Variants in TRIM37 observed in about 807,000 individuals in gnomAD.
TRIM37 encodes the protein tripartite motif containing 37.
TRIM37 carries 80 observed loss-of-function variants against 129.8 expected under a neutral mutation model. The ratio of observed to expected loss-of-function variants is 0.62; its 90% CI spans 0.51 to 0.74. The LOEUF (loss-of-function observed/expected upper bound fraction) is 0.74. Ranked by LOEUF, TRIM37 falls within the 30% of genes least tolerant of loss-of-function variation. The pLI, the probability that TRIM37 is intolerant of heterozygous loss-of-function variation, is 0.00. For missense variants in TRIM37, 1,054 were observed against 1,176.5 expected (o/e 0.90, Z 1.52); for synonymous variants, 389 against 387.1 (o/e 1.00, Z -0.06).
chr17:59,046,803 G>A (rs1366589158), intron 16 of TRIM37, among the ~76,000 whole-genome samples: 5 of 151,160 alleles, frequency 3.3e-5, no homozygotes, highest in Non-Finnish European at 7.4e-5. Context: ...GCCTCCCAGA[G>A]TGCTGGGATT....
intron 2 of TRIM37, among the ~76,000 whole-genome samples, chr17:59,100,361 G>A (rs73319242): frequency 0.011 from 1,602 of 152,136 alleles, 34 homozygotes; most frequent in African/African-American, 0.036. Context: ...CCATCAACAG[G>A]TGAATGCATA....
Position 59,047,806 on chromosome 17 carries a change from T to A in TRIM37, c.1544A>T (p.Asp515Val). ...QNEDYHHELS[D>V]GDLDLDLVYE... ...AACAAGATCCAGATCCAGATCTCCATCTGAAAGCTCGTGCTAGATCAATGC... is the reference window on the plus strand; with the variant it reads ...AACAAGATCCAGATCCAGATCTCCAACTGAAAGCTCGTGCTAGATCAATGC... The change falls in exon 16 of 24, where the codon GAT (aspartate) becomes GTT (valine). Residue 515 changes from aspartate to valine, a missense_variant. Around this residue, in one of 3 missense-constraint regions of TRIM37, gnomAD observed 752 missense variants for 870.8 expected, o/e 0.86. Transcript: ENST00000262294. The A allele has an allele frequency of 6.2e-7, 1 of 1,614,096 alleles. No homozygotes were observed. Among genetic ancestry groups the A allele is most frequent in the East Asian group, 2.2e-5 (1 of 44,890 alleles).
intron 11 of TRIM37, 85 bp downstream of exon 11, chr17:59,062,482 G>T: frequency 9.2e-7 from 1 of 1,084,936 alleles, no homozygotes; most frequent in Non-Finnish European, 1.4e-6. Flanking sequence ...AGAGTTAACA[G>T]TTCTCAGTAA....
rs1307526457 is a variant in TRIM37 at position 59,032,030 on chromosome 17, G to C, written c.1814C>G (p.Ser605Cys). The C allele has an allele frequency of 6.2e-7, 1 of 1,614,148 alleles. No homozygotes were observed. The highest frequency in any genetic ancestry group is 8.5e-7 in the Non-Finnish European group (1 of 1,180,046). Residue 605 changes from serine to cysteine, a missense_variant, in exon 18 of 24, where the codon TCC becomes TGC. By Grantham distance (112) the Ser-to-Cys change is moderately radical (BLOSUM62 -1). Transcript: ENST00000262294. ...SRISRRTHLC[S>C]AATSSLLDID... is the part of the protein sequence containing the mutation. ...GTCTAGTAAACTACTGGTAGCAGCG[G>C]AGCATAAATGTGTTCTTCTTGATAT...
At chr17:59,053,072 C>T (rs544463984) in intron 13 of TRIM37, among the ~76,000 whole-genome samples, 2 of 152,192 alleles carry the variant, frequency 1.3e-5, no homozygotes, top group Non-Finnish European at 2.9e-5. Flanking sequence ...AGACGATTCA[C>T]AGTCTAGGAA....
At chr17:59,089,797 T>C (rs2044123918) in intron 3 of TRIM37, among the ~76,000 whole-genome samples, 1 of 152,142 alleles carries the variant, frequency 6.6e-6, no homozygotes, top group Non-Finnish European at 1.5e-5. Flanking sequence ...GCTGGTCTTA[T>C]AAGATAATGT....
At chr17:59,097,325 C>T (rs8071291) in intron 2 of TRIM37, among the ~76,000 whole-genome samples, 8,570 of 151,834 alleles carry the variant, frequency 0.056, 755 homozygotes, top group African/African-American at 0.19. Flanking sequence ...AAAAAGTATC[C>T]TAATTAAAAA....
chr17:59,079,965 T>C, intron 6 of TRIM37, 88 bp from the exon 7 acceptor site: 2 of 1,453,940 alleles, frequency 1.4e-6, no homozygotes, highest in Non-Finnish European at 9.5e-7. Context: ...GAATAGATAA[T>C]ATGAAAAAGG....
intron 7 of TRIM37, among the ~76,000 whole-genome samples, chr17:59,077,842 G>T (rs1305802981): frequency 6.8e-6 from 1 of 147,800 alleles, no homozygotes; most frequent in Non-Finnish European, 1.5e-5. Context: ...TAGTGGCAGA[G>T]GTCAGGTGTG....
intron 24 of TRIM37, among the ~76,000 whole-genome samples, chr17:58,987,740 A>C (rs913455479): frequency 1.3e-5 from 2 of 152,238 alleles, no homozygotes; most frequent in Non-Finnish European, 2.9e-5. Flanking sequence ...TCTATTTCCC[A>C]AATTTTTCTA....
intron 12 of TRIM37, among the ~76,000 whole-genome samples, chr17:59,058,052 G>A (rs1230097052): frequency 6.6e-6 from 1 of 151,918 alleles, no homozygotes; most frequent in African/African-American, 2.4e-5. Context: ...ATTATCCTTT[G>A]AGGTTTATCA....
chr17:59,082,745 T>C (rs1046258509), intron 5 of TRIM37, among the ~76,000 whole-genome samples: 3 of 152,228 alleles, frequency 2.0e-5, no homozygotes, highest in Non-Finnish European at 4.4e-5. Context: ...CTTACTAGAA[T>C]TGTCTTATTT....
chr17:59,078,415 G>A (rs922409782), intron 7 of TRIM37, among the ~76,000 whole-genome samples: 3 of 152,084 alleles, frequency 2.0e-5, no homozygotes, highest in African/African-American at 7.2e-5. Flanking sequence ...AAACTTAAGA[G>A]ATCTGTACTG....
At chr17:59,008,014 GTA>G (rs2034765504) in intron 22 of TRIM37, among the ~76,000 whole-genome samples, 1 of 152,116 alleles carries the variant, frequency 6.6e-6, no homozygotes, top group Non-Finnish European at 1.5e-5. Context: ...AGGCTTATAG[GTA>G]TATAAGGGTT....
chr17:59,062,031 A>G (rs369198930), intron 11 of TRIM37, among the ~76,000 whole-genome samples: 1 of 148,414 alleles, frequency 6.7e-6, no homozygotes, highest in Non-Finnish European at 1.5e-5. Context: ...AACTTTTCTA[A>G]AAAAAAAAAA....
At chr17:58,972,356 T>C in the TRIM37 span, 1 of 432,948 alleles carries the variant, frequency 2.3e-6, no homozygotes, top group Non-Finnish European at 3.3e-6. Flanking sequence ...ATTCACTTAC[T>C]TTTTTTTTTT....
the TRIM37 span, chr17:58,971,997 TTATTA>T: frequency 1.2e-6 from 1 of 811,044 alleles, no homozygotes; most frequent in Non-Finnish European, 1.9e-6. Context: ...AGACAATGAA[TTATTA>T]TATATGTGTG....
At chr17:59,052,123 G>T (rs2040409521) in intron 13 of TRIM37, among the ~76,000 whole-genome samples, 3 of 150,738 alleles carry the variant, frequency 2.0e-5, no homozygotes, top group Non-Finnish European at 4.4e-5. Context: ...CATTATTTCA[G>T]CTTAGGTTAG....
the TRIM37 span, among the ~76,000 whole-genome samples, chr17:58,969,893 A>G: frequency 1.3e-5 from 2 of 152,194 alleles, no homozygotes; most frequent in Admixed American, 6.5e-5. Context: ...TTCCCTCCTC[A>G]GGAAGAGTTT....
Sources: allele counts gnomAD v4.1 joint callset (sites outside exome capture counted in the v4.1 genomes callset), GRCh38; gene constraint gnomAD v4.1.1; regional missense constraint gnomAD v4.1.1; transcripts MANE v1.5; gene names NCBI Gene and HGNC (gene_info 2026-07-23, HGNC 2026-07-21).